The following MEF2C variants were observed in gnomAD, a reference collection of about 807,000 sequenced individuals.
The protein encoded by MEF2C is myocyte-specific enhancer factor 2C.
MEF2C carries 6 observed loss-of-function variants against 50.5 expected under a neutral mutation model. That is an observed-to-expected ratio of 0.12 (90% CI 0.07 to 0.23). MEF2C has a LOEUF of 0.23. Ranked by LOEUF, MEF2C falls within the 10% of genes least tolerant of loss-of-function variation. The pLI is 1.00. For synonymous variants in MEF2C, 183 were observed against 228.0 expected (o/e 0.80, Z 1.78); for missense variants, 276 against 605.0 (o/e 0.46, Z 5.70).
At chr5:88,852,222 TAC>T (rs1821624716) in intron 1 of MEF2C, among the ~76,000 whole-genome samples, 1 of 152,182 alleles carries the variant, frequency 6.6e-6, no homozygotes, top group African/African-American at 2.4e-5. Context: ...TTTAACTAAA[TAC>T]TTTAAATCTT....
chr5:88,818,643 G>A (rs1162721278), intron 2 of MEF2C, among the ~76,000 whole-genome samples: 1 of 151,924 alleles, frequency 6.6e-6, no homozygotes, highest in Non-Finnish European at 1.5e-5. Context: ...CAAACGTCCT[G>A]TGTGATCTTT....
At chr5:88,807,524 G>A (rs891348861) in intron 2 of MEF2C, among the ~76,000 whole-genome samples, 17 of 152,144 alleles carry the variant, frequency 1.1e-4, no homozygotes, top group African/African-American at 3.4e-4. Context: ...ATAAGCCACC[G>A]TGCCTCGCCT....
At chr5:88,740,080 C>T (rs997463024) in intron 6 of MEF2C, 2 of 985,268 alleles carry the variant, frequency 2.0e-6, no homozygotes, top group Non-Finnish European at 2.4e-6. Context: ...CTATTCTTGG[C>T]CATACCAGTT....
intron 3 of MEF2C, among the ~76,000 whole-genome samples, chr5:88,778,674 C>G (rs1203472852): frequency 6.6e-6 from 1 of 151,954 alleles, no homozygotes; most frequent in Non-Finnish European, 1.5e-5. Flanking sequence ...GCACATAACA[C>G]CAAGTTACTT....
At chr5:88,787,932 G>A (rs975714419) in intron 3 of MEF2C, among the ~76,000 whole-genome samples, 3 of 151,788 alleles carry the variant, frequency 2.0e-5, no homozygotes, top group East Asian at 3.9e-4. Context: ...CCATTTTCTC[G>A]TCTTTCTCCA....
intron 1 of MEF2C, among the ~76,000 whole-genome samples, chr5:88,864,578 C>A (rs1826634660): frequency 6.6e-6 from 1 of 150,884 alleles, no homozygotes; most frequent in Non-Finnish European, 1.5e-5. Context: ...TACATAAATA[C>A]ACAAATTATA....
chr5:88,874,969 C>A (rs964030841), intron 1 of MEF2C, among the ~76,000 whole-genome samples: 2 of 151,876 alleles, frequency 1.3e-5, no homozygotes, highest in Non-Finnish European at 2.9e-5. Flanking sequence ...TCTGATTGCA[C>A]CTCATACAAA....
In MEF2C at chr5:88,728,640, A is replaced by C; in HGVS notation, c.965-12T>G. 7.3e-7 allele frequency: 1 copy of C among 1,373,226 alleles called. No homozygotes were observed. Among genetic ancestry groups the C allele is most frequent in the African/African-American group, 1.5e-5 (1 of 66,828 alleles). 85.1% of individuals were successfully genotyped at this position (1,373,226 alleles called of 1,614,324 possible). A position where few individuals can be genotyped will look rare whatever the true frequency, so the allele number is the denominator to read the frequency against. On this transcript the variant is annotated splice_polypyrimidine_tract_variant and intron_variant, in intron 9 of 10. Coordinates refer to ENST00000504921, the MANE Select transcript of MEF2C (RefSeq NM_002397.5). ...ACTCAGAGAGTACTCTAGATTAAAG[A>C]ATAAAACAACAAGGGAAAATATTAA...
At chr5:88,884,066 C>T (rs1410223901), upstream of MEF2C, among the ~76,000 whole-genome samples, 1 of 152,204 alleles carries the variant, frequency 6.6e-6, no homozygotes, top group South Asian at 2.1e-4. Context: ...GAAGACAACA[C>T]GGCGAGCTGC....
intron 1 of MEF2C, among the ~76,000 whole-genome samples, chr5:88,899,431 T>C (rs564562946): frequency 1.3e-5 from 2 of 152,292 alleles, no homozygotes; most frequent in South Asian, 4.1e-4. Flanking sequence ...TAACTAAAAC[T>C]TACTTTCCTA....
intron 1 of MEF2C, among the ~76,000 whole-genome samples, chr5:88,856,979 C>A (rs1304112098): frequency 6.6e-6 from 1 of 152,226 alleles, no homozygotes; most frequent in Non-Finnish European, 1.5e-5. Flanking sequence ...AATGGTAGAT[C>A]CACTGACAGC....
At chr5:88,730,898 G>A (rs1761191923) in intron 7 of MEF2C, among the ~76,000 whole-genome samples, 1 of 152,136 alleles carries the variant, frequency 6.6e-6, no homozygotes, top group Non-Finnish European at 1.5e-5. Flanking sequence ...TTTGTCTACC[G>A]AATCTTGGTT....
chr5:88,742,506 A>G, intron 6 of MEF2C: 1 of 979,234 alleles, frequency 1.0e-6, no homozygotes, highest in Non-Finnish European at 1.2e-6. Flanking sequence ...TACTGTAGAT[A>G]TAGAAGGATA....
At chr5:88,761,434 G>A in intron 3 of MEF2C, 106 bp from the exon 4 acceptor site, 4 of 1,313,316 alleles carry the variant, frequency 3.0e-6, no homozygotes, top group Non-Finnish European at 4.1e-6. Flanking sequence ...TATTACATAT[G>A]CTTTATTCTA....
At chr5:88,819,472 C>T (rs1807208853) in intron 2 of MEF2C, 4 of 728,524 alleles carry the variant, frequency 5.5e-6, no homozygotes, top group Non-Finnish European at 6.7e-6. Context: ...TTAAGTCCCA[C>T]TGATCTTCCT....
chr5:88,763,655 T>TC (rs1320530438), intron 3 of MEF2C, among the ~76,000 whole-genome samples: 1 of 151,604 alleles, frequency 6.6e-6, no homozygotes, highest in African/African-American at 2.4e-5. Context: ...ATTCTTTCTT[T>TC]CTTTTTTTTT....
At chr5:88,724,254 C>T (rs1757614767) in intron 10 of MEF2C, among the ~76,000 whole-genome samples, 2 of 151,930 alleles carry the variant, frequency 1.3e-5, no homozygotes. Context: ...ATTATGACCA[C>T]TGAGAGAAAA....
intron 1 of MEF2C, among the ~76,000 whole-genome samples, chr5:88,881,863 C>A (rs1022641849): frequency 6.6e-6 from 1 of 152,066 alleles, no homozygotes; most frequent in Non-Finnish European, 1.5e-5. Context: ...GTAAAACGCA[C>A]TTTGTGTCAA....
At chr5:88,739,777 AAG>A in intron 6 of MEF2C, 1 of 985,178 alleles carries the variant, frequency 1.0e-6, no homozygotes, top group Non-Finnish European at 1.2e-6. Flanking sequence ...GAATAGCTCT[AAG>A]AGAAAAGGCA....
Sources: gnomAD v4.1 joint callset for allele counts (sites outside exome capture counted in the v4.1 genomes callset) on GRCh38, gnomAD v4.1.1 for gene constraint, MANE v1.5 for transcripts, NCBI Gene and HGNC (gene_info 2026-07-23, HGNC 2026-07-21) for gene names.